The following SRPK1 variants were observed in gnomAD, a reference collection of about 807,000 sequenced individuals.
SRPK1 encodes the protein SFRS protein kinase 1.
A neutral mutation model predicts 89.5 loss-of-function variants in SRPK1; 52 were observed. The observed-to-expected ratio is 0.58, with a 90% CI of 0.46 to 0.73. The LOEUF is 0.73. Ranked by LOEUF, SRPK1 falls within the 30% of genes least tolerant of loss-of-function variation. SRPK1 has a pLI of 0.00. For synonymous variants in SRPK1, 255 were observed against 270.2 expected, an observed-to-expected ratio of 0.94 and a Z score of 0.55; for missense variants, 603 against 780.6, an observed-to-expected ratio of 0.77 and a Z score of 2.71.
At chr6:35,850,636 CG>C (rs1392398853) in intron 13 of SRPK1, among the ~76,000 whole-genome samples, 1 of 151,736 alleles carries the variant, frequency 6.6e-6, no homozygotes, top group East Asian at 1.9e-4. Context: ...CAAAGATGTA[CG>C]TAAGAATTGC....
At chr6:35,850,439 G>A (rs1004577788) in intron 13 of SRPK1, among the ~76,000 whole-genome samples, 1 of 152,162 alleles carries the variant, frequency 6.6e-6, no homozygotes, top group Non-Finnish European at 1.5e-5. Context: ...GCACCAGAAA[G>A]GCCAAAAGAG....
At chr6:35,840,043 G>A (rs1769273783) in intron 14 of SRPK1, among the ~76,000 whole-genome samples, 1 of 152,092 alleles carries the variant, frequency 6.6e-6, no homozygotes, top group Admixed American at 6.6e-5. Flanking sequence ...CTGGGCTCAA[G>A]CGATCCACCC....
At chr6:35,855,065 G>A (rs1231677690) in intron 13 of SRPK1, among the ~76,000 whole-genome samples, 1 of 152,142 alleles carries the variant, frequency 6.6e-6, no homozygotes, top group Non-Finnish European at 1.5e-5. Context: ...ACTTTGGGAG[G>A]CAGAAGTGGG....
chr6:35,842,670 C>A, intron 13 of SRPK1, 66 bp from the exon 14 acceptor site: 4 of 1,211,692 alleles, frequency 3.3e-6, no homozygotes, highest in Non-Finnish European at 4.6e-6. Context: ...AAGCTGATTG[C>A]TATTTGGCTC....
At chr6:35,878,218 A>G (rs1226762767) in intron 6 of SRPK1, among the ~76,000 whole-genome samples, 1 of 152,188 alleles carries the variant, frequency 6.6e-6, no homozygotes, top group Non-Finnish European at 1.5e-5. Flanking sequence ...CACTGAATGG[A>G]ATTAGGGCTT....
chr6:35,860,076 G>C (rs1241690449), intron 12 of SRPK1, among the ~76,000 whole-genome samples: 1 of 151,952 alleles, frequency 6.6e-6, no homozygotes, highest in Non-Finnish European at 1.5e-5. Context: ...GTGTTAGCTA[G>C]GATGGTCTTG....
intron 2 of SRPK1, among the ~76,000 whole-genome samples, chr6:35,916,916 C>T (rs979664976): frequency 6.6e-6 from 1 of 152,040 alleles, no homozygotes; most frequent in Non-Finnish European, 1.5e-5. Flanking sequence ...AAAAATTAGC[C>T]GGGCGTGGTG....
intron 6 of SRPK1, among the ~76,000 whole-genome samples, chr6:35,882,348 G>T (rs538406539): frequency 2.0e-5 from 3 of 151,242 alleles, no homozygotes; most frequent in Admixed American, 2.0e-4. Context: ...AATGCATCTT[G>T]TTGTGCCACC....
chr6:35,902,166 T>C (rs1770755976), intron 2 of SRPK1, among the ~76,000 whole-genome samples: 1 of 150,656 alleles, frequency 6.6e-6, no homozygotes, highest in Admixed American at 6.6e-5. Flanking sequence ...TCCCAGCACT[T>C]TGGGAGACCA....
At chr6:35,917,081 C>CAAAACAA (rs1771122081) in intron 2 of SRPK1, among the ~76,000 whole-genome samples, 1 of 152,012 alleles carries the variant, frequency 6.6e-6, no homozygotes, top group African/African-American at 2.4e-5. Flanking sequence ...CAAAACAAAA[C>CAAAACAA]AAAAACAGAC....
At position 35,843,690 on chromosome 6, in the gene SRPK1, C is replaced by A. The variant is rs1014185769; in HGVS notation, c.1621-1086G>T. Among the ~76,000 whole-genome samples the A allele has an allele frequency of 3.3e-5, 5 of 152,186 alleles. No homozygotes were observed. In the East Asian group the frequency reaches 7.7e-4, roughly 24 times the overall value. On this transcript the variant is annotated intron_variant, in intron 13 of 15. Coordinates refer to ENST00000373825, the MANE Select transcript of SRPK1 (RefSeq NM_003137.5). Reference sequence around the variant, plus strand: ...GGTCTCAATCTCTTGACCTCATGATCCACCCGCCTCTGCCTCCCAAAGTGC... The same window carrying A: ...GGTCTCAATCTCTTGACCTCATGATACACCCGCCTCTGCCTCCCAAAGTGC...
chr6:35,897,468 G>A (rs1310491223), intron 2 of SRPK1, among the ~76,000 whole-genome samples: 2 of 152,208 alleles, frequency 1.3e-5, no homozygotes, highest in Non-Finnish European at 2.9e-5. Flanking sequence ...CCTATGTCTA[G>A]GGAAAAGGTG....
At chr6:35,879,648 G>A (rs892293339) in intron 6 of SRPK1, among the ~76,000 whole-genome samples, 1 of 152,144 alleles carries the variant, frequency 6.6e-6, no homozygotes, top group African/African-American at 2.4e-5. Flanking sequence ...GTTTTCAAAA[G>A]AAAATCACAA....
chr6:35,872,272 T>A (rs1399918065), intron 8 of SRPK1, among the ~76,000 whole-genome samples: 1 of 152,202 alleles, frequency 6.6e-6, no homozygotes, highest in African/African-American at 2.4e-5. Context: ...TAAATGAGCA[T>A]GTGTGATCAC....
chr6:35,920,203 G>A (rs1257280332), intron 2 of SRPK1: 1 of 578,762 alleles, frequency 1.7e-6, no homozygotes, highest in Non-Finnish European at 3.3e-6. Flanking sequence ...TGTGGAGTTG[G>A]GGAGGAAAGG....
At chr6:35,835,630 C>T in intron 15 of SRPK1, 142 bp from the exon 16 acceptor site, 2 of 665,520 alleles carry the variant, frequency 3.0e-6, no homozygotes, top group Non-Finnish European at 4.6e-6. Flanking sequence ...ATTCACAAAG[C>T]ATTTCTTTTC....
intron 6 of SRPK1, among the ~76,000 whole-genome samples, chr6:35,874,939 C>T (rs1290535327): frequency 1.3e-5 from 2 of 152,130 alleles, no homozygotes; most frequent in African/African-American, 2.4e-5. Context: ...CCTGATGACA[C>T]CACACAGCAG....
intron 12 of SRPK1, among the ~76,000 whole-genome samples, chr6:35,864,689 G>A (rs966286183): frequency 6.6e-6 from 1 of 152,132 alleles, no homozygotes; most frequent in African/African-American, 2.4e-5. Flanking sequence ...CCACTGCTGC[G>A]TATATAATCA....
chr6:35,882,055 GAAC>G (rs1215377806), intron 6 of SRPK1, among the ~76,000 whole-genome samples: 5 of 150,546 alleles, frequency 3.3e-5, no homozygotes, highest in Non-Finnish European at 5.9e-5. Flanking sequence ...AGAACAATAA[GAAC>G]AACCAGTAGT....
Sources: gnomAD v4.1 joint callset for allele counts (sites outside exome capture counted in the v4.1 genomes callset) on GRCh38, gnomAD v4.1.1 for gene constraint, MANE v1.5 for transcripts, NCBI Gene and HGNC (gene_info 2026-07-23, HGNC 2026-07-21) for gene names.